The following ELMO1 variants were observed in gnomAD, a reference collection of about 807,000 sequenced individuals.
The protein encoded by ELMO1 is engulfment and cell motility 1, also known as engulfment and cell motility protein 1.
Under a neutral mutation model 98.9 loss-of-function variants are expected in ELMO1, and 26 were observed. The observed-to-expected ratio is 0.26, with a 90% confidence interval of 0.19 to 0.36. The LOEUF is 0.36. Among genes scored for constraint, ELMO1 ranks in the 10% least tolerant of loss-of-function variants. The probability of loss-of-function intolerance (pLI) is 1.00; values close to 1 mark genes in which losing one functional copy is unlikely to be tolerated. For missense variants in ELMO1, 627 were observed against 935.2 expected, an observed-to-expected ratio of 0.67 and a Z score of 4.30; for synonymous variants, 346 against 346.0, an observed-to-expected ratio of 1.00 and a Z score of 0.00.
At chr7:36,901,705 G>A (rs959130586) in intron 16 of ELMO1, among the ~76,000 whole-genome samples, 4 of 152,010 alleles carry the variant, frequency 2.6e-5, no homozygotes, top group Non-Finnish European at 2.9e-5. Flanking sequence ...ATAAAGTAGC[G>A]GTAATAATCT....
At chr7:37,099,339 G>C (rs1320369094) in intron 14 of ELMO1, among the ~76,000 whole-genome samples, 1 of 152,182 alleles carries the variant, frequency 6.6e-6, no homozygotes, top group Non-Finnish European at 1.5e-5. Context: ...TTACTATAGT[G>C]AGAGATAATT....
intron 15 of ELMO1, among the ~76,000 whole-genome samples, chr7:37,023,956 T>C (rs1227981634): frequency 6.6e-6 from 1 of 152,180 alleles, no homozygotes; most frequent in Non-Finnish European, 1.5e-5. Flanking sequence ...AAAACTGTAA[T>C]AGACTTGACT....
In ELMO1 at chr7:37,111,723, T is replaced by C. The variant is rs533704701; in HGVS notation, c.1192-14996A>G. Among the ~76,000 whole-genome samples the C allele has an allele frequency of 2.9e-3, 435 of 152,338 alleles. 1 individual carries two copies. Among genetic ancestry groups the C allele is most frequent in the Non-Finnish European group, 3.3e-3 (227 of 68,024 alleles). On this transcript the variant is annotated intron_variant, in intron 14 of 21. Transcript: ENST00000310758. ...ATTCAATAAGGTAATGCATATAAAA[T>C]GTTCATAACCATAGCCTGGAAACAT...
chr7:36,883,954 T>A (rs1804695160), intron 18 of ELMO1, among the ~76,000 whole-genome samples: 1 of 152,154 alleles, frequency 6.6e-6, no homozygotes, highest in Non-Finnish European at 1.5e-5. Context: ...GTGGTCAACA[T>A]GTATAAGCTT....
At chr7:36,881,777 C>A (rs1161454485) in intron 18 of ELMO1, among the ~76,000 whole-genome samples, 4 of 152,186 alleles carry the variant, frequency 2.6e-5, no homozygotes, top group Admixed American at 1.3e-4. Context: ...GAGCTAATAA[C>A]CACTGTCAAC....
At chr7:37,296,046 T>C (rs1303178024) in intron 4 of ELMO1, among the ~76,000 whole-genome samples, 1 of 152,186 alleles carries the variant, frequency 6.6e-6, no homozygotes, top group Non-Finnish European at 1.5e-5. Flanking sequence ...CACAGATATA[T>C]TTATCTCCAC....
chr7:37,419,919 T>C (rs558242653), intron 1 of ELMO1, among the ~76,000 whole-genome samples: 80 of 152,348 alleles, frequency 5.3e-4, no homozygotes, highest in African/African-American at 1.9e-3. Context: ...TTTCACATCA[T>C]GCTGTTTTCA....
intron 1 of ELMO1, chr7:37,375,764 AT>A (rs1298714809): frequency 1.9e-6 from 2 of 1,080,654 alleles, no homozygotes; most frequent in African/African-American, 3.1e-5. Flanking sequence ...TATCTCAGTG[AT>A]TACCTTCATC....
intron 4 of ELMO1, among the ~76,000 whole-genome samples, chr7:37,297,128 A>G (rs1798067537): frequency 1.3e-5 from 2 of 152,206 alleles, no homozygotes; most frequent in Admixed American, 1.3e-4. Flanking sequence ...GGCTCTCTCA[A>G]AATCAACTTA....
At chr7:37,295,076 T>G (rs1467420196) in intron 4 of ELMO1, among the ~76,000 whole-genome samples, 1 of 152,076 alleles carries the variant, frequency 6.6e-6, no homozygotes, top group African/African-American at 2.4e-5. Flanking sequence ...GAGTAGGATA[T>G]CAATGCTTTA....
intron 13 of ELMO1, among the ~76,000 whole-genome samples, chr7:37,156,894 T>C (rs1054274344): frequency 6.6e-6 from 1 of 152,188 alleles, no homozygotes; most frequent in Non-Finnish European, 1.5e-5. Flanking sequence ...ATATCCCTGA[T>C]AAACATCAAT....
intron 19 of ELMO1, among the ~76,000 whole-genome samples, chr7:36,871,234 A>T (rs1413188473): frequency 1.3e-5 from 2 of 152,210 alleles, no homozygotes; most frequent in Non-Finnish European, 2.9e-5. Context: ...AACTTTTGAT[A>T]AGATCAGGTG....
At chr7:36,954,333 C>T (rs1788266696) in intron 16 of ELMO1, among the ~76,000 whole-genome samples, 1 of 152,154 alleles carries the variant, frequency 6.6e-6, no homozygotes, top group Non-Finnish European at 1.5e-5. Context: ...TTTAGGTCAC[C>T]TTCCAGTGCA....
chr7:37,133,425 G>A (rs1376314847), intron 13 of ELMO1, among the ~76,000 whole-genome samples, 191 bp from the exon 14 acceptor site: 1 of 152,066 alleles, frequency 6.6e-6, no homozygotes, highest in Non-Finnish European at 1.5e-5. Flanking sequence ...TGCTCCTCAG[G>A]ACAGCAAAAC....
At chr7:36,900,258 A>G (rs975060645) in intron 16 of ELMO1, among the ~76,000 whole-genome samples, 1 of 152,228 alleles carries the variant, frequency 6.6e-6, no homozygotes, top group Non-Finnish European at 1.5e-5. Context: ...TTGTCATATC[A>G]CCAGCAAGCA....
chr7:37,378,808 A>T (rs1031159736), intron 1 of ELMO1, among the ~76,000 whole-genome samples: 1 of 151,954 alleles, frequency 6.6e-6, no homozygotes, highest in Non-Finnish European at 1.5e-5. Context: ...CCTTGTGAGT[A>T]TCTCTTCCAA....
At chr7:37,010,851 C>T (rs377382076) in intron 16 of ELMO1, among the ~76,000 whole-genome samples, 2 of 152,114 alleles carry the variant, frequency 1.3e-5, no homozygotes, top group African/African-American at 4.8e-5. Context: ...ATAAGTAAGG[C>T]ATGCATAGTA....
At chr7:37,296,483 G>A (rs1195436909) in intron 4 of ELMO1, among the ~76,000 whole-genome samples, 2 of 152,090 alleles carry the variant, frequency 1.3e-5, no homozygotes, top group Admixed American at 6.6e-5. Context: ...CTCCCAAATC[G>A]ACTGATTGAA....
At position 36,892,242 on chromosome 7, in the gene ELMO1, G is replaced by A. The variant is rs559664447; in HGVS notation, c.1601+2612C>T. ...AGGGAGGAGGGCAGCCTGATGGCTAGTGGGATTCCCCACTGGTGGTCAGGC... is the reference window on the plus strand; with the variant it reads ...AGGGAGGAGGGCAGCCTGATGGCTAATGGGATTCCCCACTGGTGGTCAGGC... On this transcript the variant is annotated intron_variant, in intron 17 of 21. Transcript: ENST00000310758. Among the ~76,000 whole-genome samples the A allele has an allele frequency of 2.6e-5, 4 of 152,336 alleles. No individual in the cohort carries two copies. The East Asian group carries it at 5.8e-4, about 22-fold the overall frequency.
Sources: gnomAD v4.1 joint callset for allele counts (sites outside exome capture counted in the v4.1 genomes callset) on GRCh38, gnomAD v4.1.1 for gene constraint, MANE v1.5 for transcripts, NCBI Gene and HGNC (gene_info 2026-07-23, HGNC 2026-07-21) for gene names.